The following PIGZ variants were observed in gnomAD, a reference collection of about 807,000 sequenced individuals.
The protein encoded by PIGZ is GPI alpha-1,2-mannosyltransferase 4.
PIGZ carries 16 observed loss-of-function variants against 16.4 expected under a neutral mutation model. The observed-to-expected ratio is 0.97, with a 90% confidence interval of 0.66 to 1.48. PIGZ has a LOEUF of 1.48. Among genes scored for constraint, PIGZ ranks in the 40% most tolerant of loss-of-function variants. The pLI, the probability that PIGZ is intolerant of heterozygous loss-of-function variation, is 0.00. For synonymous variants in PIGZ, 409 were observed against 338.4 expected, an observed-to-expected ratio of 1.21 and a Z score of -2.29; for missense variants, 770 against 739.2, an observed-to-expected ratio of 1.04 and a Z score of -0.48.
chr3:196,955,491 A>G (rs1435120919), intron 1 of PIGZ, among the ~76,000 whole-genome samples: 1 of 150,540 alleles, frequency 6.6e-6, no homozygotes, highest in East Asian at 1.9e-4. Context: ...TTTTTCTGAT[A>G]TTACTGTTGC....
At position 196,948,491 on chromosome 3, in the gene PIGZ, G is replaced by A. The variant is rs778716223; in HGVS notation, c.406C>T (p.Leu136Phe). The A allele has an allele frequency of 8.1e-6, 13 of 1,613,452 alleles. No individual in the cohort carries two copies. Among genetic ancestry groups the A allele is most frequent in the South Asian group, 4.4e-5 (4 of 91,068 alleles). ...ACGGCCCCGTCCAGAGCAAAGGAAAGGGCAGTGAGGAGGAGTCGAGGCCCC... is the reference window on the plus strand; with the variant it reads ...ACGGCCCCGTCCAGAGCAAAGGAAAAGGCAGTGAGGAGGAGTCGAGGCCCC... ...LVGPRLLLTA[L>F]SFALDGAVYH... is the part of the protein sequence containing the mutation. The change falls in exon 3 of 3, where the codon CTT becomes TTT. Residue 136 changes from leucine (L) to phenylalanine (F), a missense_variant. Leu to Phe is a conservative substitution (Grantham distance 22, BLOSUM62 0). Coordinates refer to ENST00000412723, the MANE Select transcript of PIGZ (RefSeq NM_025163.4).
intron 1 of PIGZ, among the ~76,000 whole-genome samples, chr3:196,957,528 G>A (rs148542482): frequency 1.5e-3 from 222 of 151,974 alleles, no homozygotes; most frequent in Non-Finnish European, 2.5e-3. Context: ...GATTACAGGC[G>A]CATGCCACCA....
At chr3:196,968,090 C>T (rs1302381982) in intron 1 of PIGZ, among the ~76,000 whole-genome samples, 1 of 152,366 alleles carries the variant, frequency 6.6e-6, no homozygotes, top group Admixed American at 6.5e-5. Context: ...CCAACCGGAG[C>T]GCTGGGTGCT....
chr3:196,953,491 A>G (rs767513755), intron 1 of PIGZ, among the ~76,000 whole-genome samples: 2 of 152,044 alleles, frequency 1.3e-5, no homozygotes, highest in Non-Finnish European at 2.9e-5. Flanking sequence ...GAGAATCCTA[A>G]CTCCCTCAAC....
chr3:196,963,142 T>A (rs1336891754), intron 1 of PIGZ, among the ~76,000 whole-genome samples: 1 of 152,224 alleles, frequency 6.6e-6, no homozygotes, highest in Admixed American at 6.5e-5. Flanking sequence ...ACGTCCTTAC[T>A]TTTTATGGCC....
In PIGZ at chr3:196,947,105, G is replaced by T. The variant is rs537563556; in HGVS notation, c.*52C>A. ...AGCCCAGCTACCCAAGTAGAAGGTG[G>T]GGCGGCATCTTCTATGGCTGAGTCT... is the stretch of plus-strand genomic sequence containing the variant. On this transcript the variant is annotated 3_prime_UTR_variant, in exon 3 of 3. Coordinates refer to ENST00000412723, the MANE Select transcript of PIGZ (RefSeq NM_025163.4). 1.4e-6 allele frequency: 2 copies of T among 1,468,942 alleles called. No homozygotes were observed. The highest frequency in any genetic ancestry group is 2.8e-5 in the African/African-American group (2 of 70,942). 91.0% of individuals were successfully genotyped at this position (1,468,942 alleles called of 1,614,324 possible).
At chr3:196,961,165 C>A (rs542521533) in intron 1 of PIGZ, among the ~76,000 whole-genome samples, 139 of 152,286 alleles carry the variant, frequency 9.1e-4, no homozygotes, top group African/African-American at 3.1e-3. Flanking sequence ...TGGGCAATGG[C>A]TTTCTAACCC....
intron 1 of PIGZ, among the ~76,000 whole-genome samples, chr3:196,957,602 G>A (rs58781263): frequency 0.016 from 2,373 of 152,088 alleles, 31 homozygotes; most frequent in Middle Eastern, 0.061. Flanking sequence ...GGCTGGTCTC[G>A]AACTCCTGAC....
intron 1 of PIGZ, among the ~76,000 whole-genome samples, chr3:196,956,679 C>T (rs550397738): frequency 6.6e-6 from 1 of 152,178 alleles, no homozygotes; most frequent in Non-Finnish European, 1.5e-5. Context: ...GGCTATATGT[C>T]GGGTAAGTTC....
rs901759164 is a variant in PIGZ at position 196,957,119 on chromosome 3, G to A, written c.1-5088C>T. On this transcript the variant is annotated intron_variant, in intron 1 of 2. Coordinates refer to ENST00000412723, the MANE Select transcript of PIGZ (RefSeq NM_025163.4). Reference sequence around the variant, plus strand: ...TTACACTTGCTTCTCTCAGGTAACTGTGGGCATTACAAGCCTAGGACCATT... The same window carrying A: ...TTACACTTGCTTCTCTCAGGTAACTATGGGCATTACAAGCCTAGGACCATT... 5.3e-5 allele frequency among the ~76,000 whole-genome samples: 8 copies of A among 152,182 alleles called. No homozygotes were observed. In the East Asian group the frequency reaches 1.5e-3, roughly 29 times the overall value.
At chr3:196,968,292 T>G (rs750879030) in intron 1 of PIGZ, among the ~76,000 whole-genome samples, 1 of 152,172 alleles carries the variant, frequency 6.6e-6, no homozygotes, top group Non-Finnish European at 1.5e-5. Flanking sequence ...TGTTGCTGTT[T>G]CATACCAGGG....
At chr3:196,952,335 C>T (rs1717321336) in intron 1 of PIGZ, among the ~76,000 whole-genome samples, 1 of 152,132 alleles carries the variant, frequency 6.6e-6, no homozygotes, top group African/African-American at 2.4e-5. Flanking sequence ...TTTTATGTGT[C>T]CACTTGACTG....
At chr3:196,959,030 T>C (rs750266385) in intron 1 of PIGZ, among the ~76,000 whole-genome samples, 1 of 152,204 alleles carries the variant, frequency 6.6e-6, no homozygotes, top group Non-Finnish European at 1.5e-5. Context: ...GAGGATGCTA[T>C]ACCTAGGTCT....
chr3:196,965,826 G>T lies in PIGZ; in HGVS notation c.-1+2861C>A, dbSNP rs1409997553. On this transcript the variant is annotated intron_variant, in intron 1 of 2. Transcript: ENST00000412723. The surrounding 1 kb of genome is among the most constrained non-coding windows in gnomAD (Gnocchi z 4.2). ...CTGTGGATGAATAATGAGGGAGATG[G>T]TAAGAAGCATGACCTGGAGTAGACT... Among the ~76,000 whole-genome samples, 1 of 152,146 alleles carries T rather than the reference G, an allele frequency of 6.6e-6. No homozygotes were observed. Among genetic ancestry groups the T allele is most frequent in the Non-Finnish European group, 1.5e-5 (1 of 68,018 alleles).
intron 1 of PIGZ, among the ~76,000 whole-genome samples, chr3:196,953,334 G>C (rs1006246871): frequency 6.6e-5 from 10 of 152,148 alleles, no homozygotes; most frequent in Non-Finnish European, 1.5e-4. Flanking sequence ...TTGCATTTCT[G>C]AAAACTTGGG....
Position 196,948,193 on chromosome 3 carries a change from A to C in PIGZ, c.704T>G (p.Val235Gly). 1 of 1,614,164 alleles carries C rather than the reference A, an allele frequency of 6.2e-7. No individual in the cohort carries two copies. The highest frequency in any genetic ancestry group is 1.1e-5 in the South Asian group (1 of 91,084). The change falls in exon 3 of 3, where the codon GTG becomes GGG. Residue 235 changes from valine to glycine, a missense_variant. Coordinates refer to ENST00000412723, the MANE Select transcript of PIGZ (RefSeq NM_025163.4). ...FNRPTFLAFA[V>G]VPLYLWGTRG... ...AGTGCCCCAGAGGTAGAGGGGGACCACAGCAAAGGCCAGAAAGGTGGGCCG... is the reference window on the plus strand; with the variant it reads ...AGTGCCCCAGAGGTAGAGGGGGACCCCAGCAAAGGCCAGAAAGGTGGGCCG...
In PIGZ at chr3:196,965,621, C is replaced by G. The variant is rs375743387; in HGVS notation, c.-1+3066G>C. ...CCCAGCTCTTGTTCCTCATTCTCCA[C>G]TGTCATTGTCTGAGTCCAGGTATGC... On this transcript the variant is annotated intron_variant, in intron 1 of 2. Transcript: ENST00000412723. This position sits in a 1 kb window ranked among gnomAD's most constrained non-coding sequence, Gnocchi z 4.2. Among the ~76,000 whole-genome samples the G allele has an allele frequency of 1.3e-5, 2 of 152,184 alleles. No individual in the cohort carries two copies. The highest frequency in any genetic ancestry group is 1.9e-4 in the East Asian group (1 of 5,184).
Position 196,947,269 on chromosome 3 carries a change from AGT to A in PIGZ, c.1626_1627del (p.Leu543PhefsTer40), listed in dbSNP as rs1560176541. 3.7e-6 allele frequency: 6 copies of A among 1,614,030 alleles called. No homozygotes were observed. The highest frequency in any genetic ancestry group is 5.1e-6 in the Non-Finnish European group (6 of 1,179,960). ...CTCCAGGGTCAGATGGGGAAATAAAAGTGTTTCATTCTTGAAGGGGAAGCTGC... is the reference window on the plus strand; with the variant it reads ...CTCCAGGGTCAGATGGGGAAATAAAAGTTTCATTCTTGAAGGGGAAGCTGC... On this transcript the variant is annotated frameshift_variant, in exon 3 of 3. Coordinates refer to ENST00000412723, the MANE Select transcript of PIGZ (RefSeq NM_025163.4). LOFTEE classifies it high-confidence loss of function.
rs1049943931 is a variant in PIGZ at position 196,958,498 on chromosome 3, G to A, written c.1-6467C>T. Among the ~76,000 whole-genome samples, 3 of 152,226 alleles carry A rather than the reference G, an allele frequency of 2.0e-5. No individual in the cohort carries two copies. In the East Asian group the frequency reaches 5.8e-4, roughly 29 times the overall value. ...ATACAAAAATTAGCAGGGCGTGGTG[G>A]CGGGCGCCTGTCATCCCAGCTACTG... On this transcript the variant is annotated intron_variant, in intron 1 of 2. Transcript: ENST00000412723.
Sources: allele counts gnomAD v4.1 joint callset (sites outside exome capture counted in the v4.1 genomes callset), GRCh38; gene constraint gnomAD v4.1.1; non-coding constraint Gnocchi (gnomAD v3.1); transcripts MANE v1.5; gene names NCBI Gene and HGNC (gene_info 2026-07-23, HGNC 2026-07-21).